Variants in NECAB2 observed in about 807,000 individuals in gnomAD.
The protein encoded by NECAB2 is N-terminal EF-hand calcium binding protein 2, also known as N-terminal EF-hand calcium-binding protein 2.
NECAB2 carries 68 observed loss-of-function variants against 51.9 expected under a neutral mutation model. The ratio of observed to expected loss-of-function variants is 1.31; its 90% confidence interval spans 1.08 to 1.60. The LOEUF (loss-of-function observed/expected upper bound fraction) is 1.60. Among genes scored for constraint, NECAB2 ranks in the 40% most tolerant of loss-of-function variants. The probability of loss-of-function intolerance (pLI) is 0.00; values close to 1 mark genes in which losing one functional copy is unlikely to be tolerated. For missense variants in NECAB2, 854 were observed against 490.3 expected (o/e 1.74, Z -7.00); for synonymous variants, 329 against 203.5 (o/e 1.62, Z -5.25).
upstream of NECAB2, chr16:83,966,165 G>A: frequency 1.6e-6 from 1 of 634,786 alleles, no homozygotes; most frequent in Non-Finnish European, 2.7e-6. Flanking sequence ...GGCTGCCCTG[G>A]ACTTAGACCA....
In NECAB2 at chr16:83,968,353, C is replaced by T. The variant is rs563327934; in HGVS notation, c.-296C>T. Among the ~76,000 whole-genome samples the T allele has an allele frequency of 2.0e-3, 304 of 150,998 alleles. 1 individual carries two copies. The highest frequency in any genetic ancestry group is 6.8e-3 in the African/African-American group (281 of 41,352). On this transcript the variant is annotated 5_prime_UTR_variant, in exon 1 of 13. Coordinates refer to ENST00000305202, the MANE Select transcript of NECAB2 (RefSeq NM_019065.3). ...GCCCCGCCCCCAGGCCCCACATACC[C>T]CTCCCCTCCGGGTAGCCCCCTCTGT...
chr16:83,966,053 T>G, upstream of NECAB2: 3 of 1,384,790 alleles, frequency 2.2e-6, no homozygotes, highest in South Asian at 4.3e-5. Flanking sequence ...AGGACAGAGA[T>G]GACCACATCC....
chr16:83,979,185 C>T (rs113171291), intron 3 of NECAB2, among the ~76,000 whole-genome samples: 2 of 152,160 alleles, frequency 1.3e-5, no homozygotes, highest in African/African-American at 4.8e-5. Context: ...CTTGGGATTC[C>T]CCAGACAGGA....
At chr16:83,982,942 C>T (rs914376916) in intron 5 of NECAB2, among the ~76,000 whole-genome samples, 2 of 151,638 alleles carry the variant, frequency 1.3e-5, no homozygotes, top group East Asian at 3.9e-4. Flanking sequence ...AATGTCGCCT[C>T]ACTGCAACCT....
At chr16:83,971,920 G>A (rs536346778) in intron 1 of NECAB2, 4 of 607,208 alleles carry the variant, frequency 6.6e-6, no homozygotes, top group African/African-American at 5.5e-5. Flanking sequence ...GCAGGCTGGT[G>A]GTACTGGCAG....
In NECAB2 at chr16:84,002,526, G is replaced by GA; in HGVS notation, c.*180_*181insA. ...CCCTGCCCCCACCTGAGAAGGCAGA[G>GA]CAGTGTCTGTGCTGCCAGGTCCTGG... On this transcript the variant is annotated 3_prime_UTR_variant, in exon 13 of 13. Coordinates refer to ENST00000305202, the MANE Select transcript of NECAB2 (RefSeq NM_019065.3). The GA allele has an allele frequency of 2.6e-6, 2 of 778,462 alleles. No homozygotes were observed. Among genetic ancestry groups the GA allele is most frequent in the Non-Finnish European group, 4.2e-6 (2 of 479,426 alleles). The allele number at this position is 778,462 out of a possible 1,614,324, so 48.2% of individuals were successfully genotyped here.
At position 83,998,284 on chromosome 16, in the gene NECAB2, T is replaced by G. The variant is rs776402351; in HGVS notation, c.929T>G (p.Leu310Arg). 1.5e-5 allele frequency: 24 copies of G among 1,613,376 alleles called. No homozygotes were observed. The highest frequency in any genetic ancestry group is 1.9e-5 in the Non-Finnish European group (23 of 1,180,004). The change falls in exon 10 of 13, where the codon CTG (leucine) becomes CGG (arginine). Residue 310 changes from leucine to arginine, a missense_variant. Coordinates refer to ENST00000305202, the MANE Select transcript of NECAB2 (RefSeq NM_019065.3). ...SEFLDSLRQYLRGTTGVRNCF... is the reference protein window; with the variant it reads ...SEFLDSLRQYRRGTTGVRNCF... ...TTTCTGGACTCTCTGCGCCAGTATCTGCGGGGGACCACTGGCGTGAGGAAC... is the reference window on the plus strand; with the variant it reads ...TTTCTGGACTCTCTGCGCCAGTATCGGCGGGGGACCACTGGCGTGAGGAAC...
chr16:84,002,452 C>G lies in NECAB2; in HGVS notation c.*106C>G, dbSNP rs1476138530. The G allele has an allele frequency of 7.1e-7, 1 of 1,407,724 alleles. No individual in the cohort carries two copies. The allele number at this position is 1,407,724 out of a possible 1,614,324, so 87.2% of individuals were successfully genotyped here. A position where few individuals can be genotyped will look rare whatever the true frequency, so the allele number is the denominator to read the frequency against. ...TTTGGTGCAGAAGCTTCTTTTCAAT[C>G]CATCCTCCACAAGAAGGTGTTTCCC... is the stretch of plus-strand genomic sequence containing the variant. On this transcript the variant is annotated 3_prime_UTR_variant, in exon 13 of 13. Coordinates refer to ENST00000305202, the MANE Select transcript of NECAB2 (RefSeq NM_019065.3).
chr16:83,997,162 C>G, intron 8 of NECAB2, 54 bp from the exon 9 acceptor site: 3 of 1,611,812 alleles, frequency 1.9e-6, no homozygotes. Context: ...TCCTGGCTCC[C>G]CGGGGCGGAG....
At chr16:84,000,104 C>G (rs1416345384) in intron 10 of NECAB2, among the ~76,000 whole-genome samples, 1 of 151,772 alleles carries the variant, frequency 6.6e-6, no homozygotes. Context: ...GTTGGCTAGG[C>G]TGGTCTTGAA....
At position 84,002,751 on chromosome 16, in the gene NECAB2, C is replaced by G. The variant is rs573297085; in HGVS notation, c.*405C>G. ...CCAGGTAGCCACCACTGTGCCCAGGCGCCAAATAAACCCTGGTTGGGAAGA... is the reference window on the plus strand; with the variant it reads ...CCAGGTAGCCACCACTGTGCCCAGGGGCCAAATAAACCCTGGTTGGGAAGA... On this transcript the variant is annotated 3_prime_UTR_variant, in exon 13 of 13. Transcript: ENST00000305202. 4.6e-6 allele frequency: 1 copy of G among 216,392 alleles called. No homozygotes were observed. The highest frequency in any genetic ancestry group is 9.4e-6 in the Non-Finnish European group (1 of 106,494). 13.4% of individuals were successfully genotyped at this position (216,392 alleles called of 1,614,324 possible).
At chr16:83,985,809 T>G (rs973014597) in intron 5 of NECAB2, among the ~76,000 whole-genome samples, 1 of 152,214 alleles carries the variant, frequency 6.6e-6, no homozygotes, top group African/African-American at 2.4e-5. Context: ...TTTAATGTAC[T>G]GAGATTTTTC....
chr16:83,974,365 T>C (rs919314133), intron 2 of NECAB2, among the ~76,000 whole-genome samples: 1 of 152,154 alleles, frequency 6.6e-6, no homozygotes, highest in Admixed American at 6.5e-5. Context: ...TGAGGATAGA[T>C]AGTTGCTCTC....
chr16:83,977,994 G>C (rs1294162263), intron 2 of NECAB2, among the ~76,000 whole-genome samples: 1 of 152,200 alleles, frequency 6.6e-6, no homozygotes, highest in Admixed American at 6.5e-5. Context: ...GGGACAAGTT[G>C]CTCACAGTGG....
chr16:83,998,409 A>C, intron 10 of NECAB2, 92 bp downstream of exon 10: 10 of 1,242,518 alleles, frequency 8.0e-6, no homozygotes, highest in Non-Finnish European at 1.1e-5. Flanking sequence ...TGCCCTAAGT[A>C]GTACAAGTTG....
At chr16:83,965,340 G>A, upstream of NECAB2, 1 of 1,572,120 alleles carries the variant, frequency 6.4e-7, no homozygotes, top group Non-Finnish European at 8.6e-7. Context: ...GCCCGGCTGG[G>A]CATCCCCGGG....
At chr16:83,976,126 G>C (rs2151086685) in intron 2 of NECAB2, among the ~76,000 whole-genome samples, 1 of 152,290 alleles carries the variant, frequency 6.6e-6, no homozygotes, top group African/African-American at 2.4e-5. Context: ...GCCAGCCAGA[G>C]GGAGGCTGGG....
intron 5 of NECAB2, among the ~76,000 whole-genome samples, chr16:83,988,822 C>G (rs973019951): frequency 2.9e-4 from 38 of 129,226 alleles, no homozygotes; most frequent in African/African-American, 1.8e-3. Flanking sequence ...TTGTCTGAGG[C>G]AAGCTCAGTC....
chr16:83,983,338 C>T (rs1772350514), intron 5 of NECAB2, among the ~76,000 whole-genome samples: 1 of 152,180 alleles, frequency 6.6e-6, no homozygotes, highest in Admixed American at 6.5e-5. Flanking sequence ...GCTTCCCTGT[C>T]TATCCTGTGG....
Sources: gnomAD v4.1 joint callset for allele counts (sites outside exome capture counted in the v4.1 genomes callset) on GRCh38, gnomAD v4.1.1 for gene constraint, MANE v1.5 for transcripts, NCBI Gene and HGNC (gene_info 2026-07-23, HGNC 2026-07-21) for gene names.